The following ZMYND11 variants were observed in gnomAD, a reference collection of about 807,000 sequenced individuals.
ZMYND11 encodes the protein zinc finger MYND-type containing 11.
In ZMYND11, 9 loss-of-function variants were observed where a neutral mutation model predicts 84.9. That is an observed-to-expected ratio of 0.11 (90% CI 0.06 to 0.18). The LOEUF (loss-of-function observed/expected upper bound fraction) is 0.18. Ranked by LOEUF, ZMYND11 falls within the 10% of genes least tolerant of loss-of-function variation. The probability of loss-of-function intolerance (pLI) is 1.00; values close to 1 mark genes in which losing one functional copy is unlikely to be tolerated. For missense variants in ZMYND11, 409 were observed against 761.0 expected (o/e 0.54, Z 5.44); for synonymous variants, 250 against 244.1 (o/e 1.02, Z -0.23).
intron 1 of ZMYND11, among the ~76,000 whole-genome samples, chr10:166,926 A>G (rs1326255315): frequency 6.6e-6 from 1 of 152,184 alleles, no homozygotes; most frequent in Non-Finnish European, 1.5e-5. Flanking sequence ...AAGAAGAAAT[A>G]AAGTACTGGC....
At chr10:201,122 A>G in intron 2 of ZMYND11, among the ~76,000 whole-genome samples, 1 of 152,030 alleles carries the variant, frequency 6.6e-6, no homozygotes. Flanking sequence ...TGATGTTTTC[A>G]GTCCTCTGAG....
At chr10:185,911 C>G (rs1938258348) in intron 2 of ZMYND11, among the ~76,000 whole-genome samples, 1 of 151,932 alleles carries the variant, frequency 6.6e-6, no homozygotes, top group Non-Finnish European at 1.5e-5. Flanking sequence ...CAAATAATTC[C>G]TTCTGACAGA....
intron 2 of ZMYND11, among the ~76,000 whole-genome samples, chr10:200,139 C>T (rs1008901695): frequency 1.3e-5 from 2 of 149,424 alleles, no homozygotes; most frequent in Non-Finnish European, 3.0e-5. Flanking sequence ...GAGGTTTTGG[C>T]AGGGAGGGAA....
chr10:174,487 T>C lies in ZMYND11; in HGVS notation c.-19-5507T>C, dbSNP rs868959564. ...TACCGTGGCACATGCTTGTCATTCA[T>C]ACATTGGTCAAAACCCATGTGCACT... On this transcript the variant is annotated intron_variant, in intron 1 of 14. Coordinates refer to ENST00000381604, the MANE Select transcript of ZMYND11 (RefSeq NM_001370100.5). 8.5e-5 allele frequency among the ~76,000 whole-genome samples: 13 copies of C among 152,330 alleles called. 1 individual carries two copies. The Middle Eastern group carries it at 0.017, about 199-fold the overall frequency.
chr10:189,996 A>G lies in ZMYND11; in HGVS notation c.116+9868A>G, dbSNP rs561394339. ...GCAGAGGGACTGTAGGGCTTAAGGG[A>G]AAGTGGATAAAAAGGCAGAAAGAGT... On this transcript the variant is annotated intron_variant, in intron 2 of 14. Transcript: ENST00000381604. Among the ~76,000 whole-genome samples, 518 of 152,298 alleles carry G rather than the reference A, an allele frequency of 3.4e-3. 3 individuals carry two copies. Among genetic ancestry groups the G allele is most frequent in the African/African-American group, 0.012 (496 of 41,560 alleles).
upstream of ZMYND11, chr10:135,437 C>A (rs1381286366): frequency 1.3e-5 from 2 of 151,316 alleles, no homozygotes; most frequent in African/African-American, 4.9e-5. This position sits in a 1 kb window ranked among gnomAD's most constrained non-coding sequence, Gnocchi z 5.6. Context: ...CTGAGCGTCC[C>A]CCCCGCCCCC....
intron 1 of ZMYND11, among the ~76,000 whole-genome samples, chr10:170,740 A>C (rs192788252): frequency 3.1e-3 from 476 of 152,286 alleles, no homozygotes; most frequent in Middle Eastern, 0.031. Context: ...AGAATGCTCA[A>C]CTAAAACCAC....
chr10:146,256 C>G (rs551418569), intron 1 of ZMYND11, among the ~76,000 whole-genome samples: 192 of 152,270 alleles, frequency 1.3e-3, no homozygotes, highest in African/African-American at 4.2e-3. Flanking sequence ...TATATCAGTA[C>G]CATGCTGTTT....
intron 6 of ZMYND11, among the ~76,000 whole-genome samples, chr10:238,937 G>GTTAT (rs1489026267): frequency 2.0e-5 from 3 of 152,162 alleles, no homozygotes; most frequent in Non-Finnish European, 4.4e-5. Flanking sequence ...CACCTGAGAT[G>GTTAT]TTATTTTAAA....
At chr10:158,115 C>T (rs2131427054) in intron 1 of ZMYND11, among the ~76,000 whole-genome samples, 1 of 152,238 alleles carries the variant, frequency 6.6e-6, no homozygotes, top group South Asian at 2.1e-4. Flanking sequence ...TTTGTTTATC[C>T]ATTCATCAGT....
rs1944909608 is a variant in ZMYND11, at chr10:210,041, A to G, written c.269A>G (p.Asp90Gly). The G allele has an allele frequency of 6.2e-7, 1 of 1,614,038 alleles. No individual in the cohort carries two copies. The highest frequency in any genetic ancestry group is 8.5e-7 in the Non-Finnish European group (1 of 1,179,912). The change falls in exon 3 of 15, where the codon GAT becomes GGT. Residue 90 changes from aspartate to glycine, a missense_variant. Physicochemically the swap from Asp to Gly is moderately conservative, Grantham distance 94. Coordinates refer to ENST00000381604, the MANE Select transcript of ZMYND11 (RefSeq NM_001370100.5). ...CAAGAAGGATATTGGTTGCCAGGAG[A>G]TGAGATTGTAAGTACATTTTATTTG... ...IEQEGYWLPG[D>G]EIDWETENHD... is the part of the protein sequence containing the mutation.
upstream of ZMYND11, among the ~76,000 whole-genome samples, chr10:133,222 A>G (rs1554750344): frequency 6.6e-6 from 1 of 152,244 alleles, no homozygotes; most frequent in East Asian, 1.9e-4. Context: ...TGTCCTTTGA[A>G]GAAAAGCAAT....
At chr10:201,081 A>G (rs1943061543) in intron 2 of ZMYND11, among the ~76,000 whole-genome samples, 1 of 152,064 alleles carries the variant, frequency 6.6e-6, no homozygotes, top group Admixed American at 6.6e-5. Context: ...ATCAATATTC[A>G]TTTAAATTTC....
intron 1 of ZMYND11, among the ~76,000 whole-genome samples, chr10:152,603 A>G (rs1441091507): frequency 6.6e-6 from 1 of 152,212 alleles, no homozygotes; most frequent in Non-Finnish European, 1.5e-5. Flanking sequence ...ACTCCCGCAC[A>G]ATAATAATGG....
chr10:239,989 G>A (rs1950599661), intron 7 of ZMYND11, 67 bp from the exon 8 acceptor site: 1 of 1,377,374 alleles, frequency 7.3e-7, no homozygotes, highest in Non-Finnish European at 1.0e-6. Flanking sequence ...TGAAAGAAAA[G>A]GATAGTAACT....
intron 2 of ZMYND11, among the ~76,000 whole-genome samples, chr10:203,439 A>T (rs1211276582): frequency 6.6e-6 from 1 of 152,180 alleles, no homozygotes; most frequent in East Asian, 1.9e-4. Flanking sequence ...CATATTAAAG[A>T]CATAGAAAAA....
At chr10:186,564 C>G (rs938440266) in intron 2 of ZMYND11, among the ~76,000 whole-genome samples, 17 of 142,862 alleles carry the variant, frequency 1.2e-4, no homozygotes, top group African/African-American at 4.4e-4. Flanking sequence ...TCACTTGAAT[C>G]TGGGAGACGG....
chr10:174,752 C>A, intron 1 of ZMYND11, among the ~76,000 whole-genome samples: 1 of 151,074 alleles, frequency 6.6e-6, no homozygotes, highest in Non-Finnish European at 1.5e-5. Flanking sequence ...TGGTCAAAAC[C>A]CAAGGGCACT....
At chr10:200,454 T>A (rs2131088471) in intron 2 of ZMYND11, among the ~76,000 whole-genome samples, 1 of 149,826 alleles carries the variant, frequency 6.7e-6, no homozygotes, top group Non-Finnish European at 1.5e-5. Context: ...GTGTATATAT[T>A]TATTTTTTAG....
Sources: gnomAD v4.1 joint callset for allele counts (sites outside exome capture counted in the v4.1 genomes callset) on GRCh38, gnomAD v4.1.1 for gene constraint, Gnocchi (gnomAD v3.1) non-coding constraint, MANE v1.5 for transcripts, NCBI Gene and HGNC (gene_info 2026-07-23, HGNC 2026-07-21) for gene names.